Variants in FLNB observed in about 807,000 individuals in gnomAD.
FLNB encodes the protein filamin B, also known as filamin-B.
FLNB carries 111 observed loss-of-function variants against 250.6 expected under a neutral mutation model. That is an observed-to-expected ratio of 0.44 (90% CI 0.38 to 0.52). The LOEUF is 0.52. Among genes scored for constraint, FLNB ranks in the 20% least tolerant of loss-of-function variants. The probability of loss-of-function intolerance (pLI) is 0.00; values close to 1 mark genes in which losing one functional copy is unlikely to be tolerated. For synonymous variants in FLNB, 1,302 were observed against 1,372.1 expected (o/e 0.95, Z 1.13); for missense variants, 2,869 against 3,447.8 (o/e 0.83, Z 4.20).
intron 18 of FLNB, among the ~76,000 whole-genome samples, chr3:58,118,061 G>C (rs1321403137): frequency 2.0e-5 from 3 of 152,180 alleles, no homozygotes; most frequent in Non-Finnish European, 4.4e-5. Context: ...TTTGGAGGGA[G>C]GGAACTTGGC....
chr3:58,058,077 C>T (rs1287372856), intron 1 of FLNB, among the ~76,000 whole-genome samples: 1 of 152,184 alleles, frequency 6.6e-6, no homozygotes, highest in Non-Finnish European at 1.5e-5. Flanking sequence ...GGGTGAGCCA[C>T]TGTGCCTGGC....
intron 1 of FLNB, among the ~76,000 whole-genome samples, chr3:58,041,381 C>A (rs776255348): frequency 3.9e-5 from 6 of 152,220 alleles, no homozygotes; most frequent in Admixed American, 2.6e-4. Flanking sequence ...CGCTGAGCGG[C>A]CCTGGTGTGC....
chr3:58,109,572 C>G lies in FLNB; in HGVS notation c.2200-4C>G, dbSNP rs1385322973. 1.5e-5 allele frequency: 24 copies of G among 1,614,096 alleles called. No homozygotes were observed. Among genetic ancestry groups the G allele is most frequent in the East Asian group, 6.7e-5 (3 of 44,898 alleles). Reference sequence around the variant, plus strand: ...CTTGATGACCTTCTCCATGTCTTCTCTAGGTCAACATCGGGCAAGGTAGCC... The same window carrying G: ...CTTGATGACCTTCTCCATGTCTTCTGTAGGTCAACATCGGGCAAGGTAGCC... On this transcript the variant is annotated splice_region_variant and splice_polypyrimidine_tract_variant and intron_variant, in intron 14 of 45. Coordinates refer to ENST00000295956, the MANE Select transcript of FLNB (RefSeq NM_001457.4).
Position 58,126,641 on chromosome 3 carries a change from A to G in FLNB, c.4101A>G (p.Gly1367=), listed in dbSNP as rs935546356. ...GTGGGCTTGGCATAACTGTTGAGGG[A>G]CCATCAGAGTCGAAGATAAATTGCA... ...GIGGLGITVE[G]PSESKINCRD... is the part of the protein sequence containing the mutation. Residue 1367 remains glycine, a synonymous_variant, in exon 24 of 46, where the codon GGA becomes GGG. Transcript: ENST00000295956. 1.9e-6 allele frequency: 3 copies of G among 1,613,952 alleles called. No homozygotes were observed. The highest frequency in any genetic ancestry group is 2.7e-5 in the African/African-American group (2 of 74,900).
At chr3:58,052,130 C>T (rs1041273361) in intron 1 of FLNB, among the ~76,000 whole-genome samples, 14 of 152,110 alleles carry the variant, frequency 9.2e-5, no homozygotes, top group African/African-American at 2.7e-4. Context: ...TCAGGTGATC[C>T]GCCCACCTCG....
intron 4 of FLNB, among the ~76,000 whole-genome samples, chr3:58,085,229 T>C (rs1004037898): frequency 3.3e-5 from 5 of 152,102 alleles, no homozygotes; most frequent in Non-Finnish European, 7.3e-5. Flanking sequence ...GGTAATTCTA[T>C]ATGCAGCTTA....
chr3:58,123,619 C>A lies in FLNB; in HGVS notation c.3653C>A (p.Ala1218Asp). The part of the protein sequence containing the change: ...YGGELVPHFP[A>D]RVKVEPAVDT... Reference sequence around the variant, plus strand: ...GGCGAACTCGTGCCACACTTCCCCGCCCGGGTCAAGGTGGAGCCCGCCGTG... The same window carrying A: ...GGCGAACTCGTGCCACACTTCCCCGACCGGGTCAAGGTGGAGCCCGCCGTG... The change falls in exon 21 of 46, where the codon GCC becomes GAC. Residue 1218 changes from alanine (A) to aspartate (D), a missense_variant. Coordinates refer to ENST00000295956, the MANE Select transcript of FLNB (RefSeq NM_001457.4). 2 of 1,612,578 alleles carry A rather than the reference C, an allele frequency of 1.2e-6. No homozygotes were observed. The highest frequency in any genetic ancestry group is 1.7e-6 in the Non-Finnish European group (2 of 1,179,908).
At chr3:58,107,687 C>T (rs770689372) in intron 12 of FLNB, among the ~76,000 whole-genome samples, 13 of 152,216 alleles carry the variant, frequency 8.5e-5, no homozygotes, top group Non-Finnish European at 1.2e-4. Flanking sequence ...AGAGTGTCCT[C>T]TCAAACCCTT....
chr3:58,169,559 C>G lies in FLNB; in HGVS notation c.7418-31C>G. On this transcript the variant is annotated intron_variant, in intron 44 of 45. Transcript: ENST00000295956. This position sits in a 1 kb window ranked among gnomAD's most constrained non-coding sequence, Gnocchi z 4.8. ...AGAGACCCCTCTTGATCTGGCCATTCATGCCTGTCCCCCTCCCTCCTGTAT... is the reference window on the plus strand; with the variant it reads ...AGAGACCCCTCTTGATCTGGCCATTGATGCCTGTCCCCCTCCCTCCTGTAT... 6.3e-7 allele frequency: 1 copy of G among 1,584,970 alleles called. No individual in the cohort carries two copies. The highest frequency in any genetic ancestry group is 1.7e-5 in the Admixed American group (1 of 59,990).
At chr3:58,034,425 G>A (rs1576613144) in intron 1 of FLNB, among the ~76,000 whole-genome samples, 2 of 146,476 alleles carry the variant, frequency 1.4e-5, no homozygotes, top group African/African-American at 5.1e-5. Flanking sequence ...TGAGAGTTTC[G>A]CCCTAGTCGC....
At chr3:58,119,484 C>A (rs970892123) in intron 19 of FLNB, among the ~76,000 whole-genome samples, 12 of 152,314 alleles carry the variant, frequency 7.9e-5, no homozygotes, top group Non-Finnish European at 1.3e-4. Context: ...TCTGCCCCAT[C>A]CCAATGTTCC....
chr3:58,013,350 C>G (rs905140829), intron 1 of FLNB, among the ~76,000 whole-genome samples: 3 of 152,212 alleles, frequency 2.0e-5, no homozygotes, highest in African/African-American at 7.2e-5. Context: ...GTTCCCAAGA[C>G]TTCGGGTCAC....
rs1300983917 is a variant in FLNB at position 58,105,215 on chromosome 3, G to T, written c.1746G>T (p.Leu582=). The change falls in exon 11 of 46, where the codon CTG becomes CTT. Residue 582 remains leucine (L), a splice_region_variant and synonymous_variant. Coordinates refer to ENST00000295956, the MANE Select transcript of FLNB (RefSeq NM_001457.4). ...CCATTGGCTCTGAAGTGGGGTCTCTGGGTAAGTGGACACAGCTGACCAGCA... is the reference window on the plus strand; with the variant it reads ...CCATTGGCTCTGAAGTGGGGTCTCTTGGTAAGTGGACACAGCTGACCAGCA... ...VESIGSEVGS[L]GFAIEGPSQA... 2 of 1,614,158 alleles carry T rather than the reference G, an allele frequency of 1.2e-6. No individual in the cohort carries two copies. The highest frequency in any genetic ancestry group is 2.2e-5 in the South Asian group (2 of 91,078).
intron 5 of FLNB, 143 bp from the exon 6 acceptor site, chr3:58,095,998 G>C (rs2097237856): frequency 1.4e-6 from 1 of 700,308 alleles, no homozygotes; most frequent in Admixed American, 2.0e-5. Flanking sequence ...TTTCTCTCTA[G>C]GGGCGTTGTG....
intron 1 of FLNB, among the ~76,000 whole-genome samples, chr3:58,025,391 A>G (rs1304341276): frequency 6.6e-6 from 1 of 151,452 alleles, no homozygotes; most frequent in African/African-American, 2.4e-5. Flanking sequence ...CAGCCTCCCA[A>G]ATTGCTGAGA....
chr3:58,075,238 A>T (rs1303831448), intron 1 of FLNB, among the ~76,000 whole-genome samples: 18 of 152,058 alleles, frequency 1.2e-4, no homozygotes. Flanking sequence ...ACCAAGATGC[A>T]GATAGCTCAG....
intron 1 of FLNB, among the ~76,000 whole-genome samples, chr3:58,074,259 G>A (rs960156880): frequency 6.6e-5 from 10 of 152,270 alleles, no homozygotes; most frequent in Non-Finnish European, 1.0e-4. Flanking sequence ...CTTTAAAAGC[G>A]AGCCCAGCAT....
At chr3:58,135,624 C>T (rs2097314616) in intron 27 of FLNB, among the ~76,000 whole-genome samples, 1 of 152,178 alleles carries the variant, frequency 6.6e-6, no homozygotes, top group African/African-American at 2.4e-5. Flanking sequence ...AGCGGTGCAC[C>T]TAGCTAAGAG....
At chr3:58,058,009 G>C (rs1359714152) in intron 1 of FLNB, among the ~76,000 whole-genome samples, 1 of 152,088 alleles carries the variant, frequency 6.6e-6, no homozygotes, top group Admixed American at 6.6e-5. Context: ...GGCTGGTCTC[G>C]AACTCCCGAC....
Sources: gnomAD v4.1 joint callset for allele counts (sites outside exome capture counted in the v4.1 genomes callset) on GRCh38, gnomAD v4.1.1 for gene constraint, Gnocchi (gnomAD v3.1) non-coding constraint, MANE v1.5 for transcripts, NCBI Gene and HGNC (gene_info 2026-07-23, HGNC 2026-07-21) for gene names.